The following ELMO1 variants were observed in gnomAD, a reference collection of about 807,000 sequenced individuals.
ELMO1 encodes engulfment and cell motility 1, also known as engulfment and cell motility protein 1.
In ELMO1, 26 loss-of-function variants were observed where a neutral mutation model predicts 98.9. The ratio of observed to expected loss-of-function variants is 0.26; its 90% CI spans 0.19 to 0.36. The LOEUF is 0.36. ELMO1 is among the 10% of genes least tolerant of loss of function. The pLI is 1.00. For synonymous variants in ELMO1, 346 were observed against 346.0 expected (o/e 1.00, Z 0.00); for missense variants, 627 against 935.2 (o/e 0.67, Z 4.30).
intron 5 of ELMO1, among the ~76,000 whole-genome samples, chr7:37,260,946 C>T (rs552335712): frequency 6.6e-6 from 1 of 152,220 alleles, no homozygotes; most frequent in African/African-American, 2.4e-5. Context: ...ACAGCATTCA[C>T]ATGAACATTT....
intron 16 of ELMO1, among the ~76,000 whole-genome samples, chr7:36,987,378 CAG>C (rs771773513): frequency 6.6e-5 from 10 of 152,172 alleles, no homozygotes; most frequent in Middle Eastern, 3.2e-3. Context: ...CAATCTCACT[CAG>C]GGGTCTGCGG....
chr7:36,923,016 G>C (rs1785267281), intron 16 of ELMO1, among the ~76,000 whole-genome samples: 1 of 152,178 alleles, frequency 6.6e-6, no homozygotes, highest in African/African-American at 2.4e-5. Flanking sequence ...TCGTCTGGAA[G>C]GCTGTGTCTA....
intron 6 of ELMO1, among the ~76,000 whole-genome samples, chr7:37,258,514 C>T (rs749431465): frequency 1.9e-4 from 29 of 152,250 alleles, no homozygotes; most frequent in South Asian, 6.2e-4. Flanking sequence ...AGGAATTACA[C>T]GCAATAGAAT....
intron 10 of ELMO1, among the ~76,000 whole-genome samples, chr7:37,219,008 T>C (rs1015370759): frequency 2.0e-5 from 3 of 152,180 alleles, no homozygotes; most frequent in Admixed American, 6.5e-5. Context: ...AACTGAATAA[T>C]GGTAAAAGTT....
chr7:37,191,738 T>C (rs896873637), intron 13 of ELMO1, among the ~76,000 whole-genome samples: 1 of 152,054 alleles, frequency 6.6e-6, no homozygotes, highest in Non-Finnish European at 1.5e-5. Flanking sequence ...GCCAACATGG[T>C]CAAAACCCGT....
chr7:37,102,031 T>A (rs372234510), intron 14 of ELMO1, among the ~76,000 whole-genome samples: 1 of 152,082 alleles, frequency 6.6e-6, no homozygotes, highest in Non-Finnish European at 1.5e-5. Flanking sequence ...AGAAGCCTTA[T>A]CAGTATCAAT....
rs2129297718 is a variant in ELMO1, at chr7:37,131,079, C to A, written c.1191+2051G>T. On this transcript the variant is annotated intron_variant, in intron 14 of 21. Transcript: ENST00000310758. The stretch of plus-strand genomic sequence containing the variant: ...CACTACTGCCATATCATGGAGATAT[C>A]TATTGTCAAAGTCACCCTAAAATTT... Among the ~76,000 whole-genome samples, 2 of 152,174 alleles carry A rather than the reference C, an allele frequency of 1.3e-5. 1 individual carries two copies. The highest frequency in any genetic ancestry group is 4.2e-4 in the South Asian group (2 of 4,806).
chr7:36,866,995 T>C (rs918378632), intron 20 of ELMO1, among the ~76,000 whole-genome samples: 11 of 152,150 alleles, frequency 7.2e-5, no homozygotes, highest in South Asian at 2.1e-4. Flanking sequence ...ACTAGTAACA[T>C]TGCAAGACAA....
intron 1 of ELMO1, among the ~76,000 whole-genome samples, chr7:37,443,424 G>A (rs1159790779): frequency 6.6e-6 from 1 of 152,144 alleles, no homozygotes; most frequent in Non-Finnish European, 1.5e-5. Context: ...ATTTATACAT[G>A]TGACTAATTT....
At chr7:37,403,529 G>A (rs1168539477) in intron 1 of ELMO1, among the ~76,000 whole-genome samples, 2 of 151,760 alleles carry the variant, frequency 1.3e-5, no homozygotes, top group African/African-American at 4.8e-5. Flanking sequence ...ATGACACGGT[G>A]CAACTGTCTT....
chr7:37,291,605 T>C (rs1240140120), intron 4 of ELMO1, among the ~76,000 whole-genome samples: 2 of 152,034 alleles, frequency 1.3e-5, no homozygotes, highest in Non-Finnish European at 2.9e-5. Context: ...GCCTCAGCAG[T>C]TGGAGAAATG....
chr7:37,315,969 T>C lies in ELMO1; in HGVS notation c.79-9A>G, dbSNP rs753722778. ...GCAGACAGTGGTTTTTTCTGCAAAA[T>C]AACAAAAAAGGAAATACTTGTTAGT... On this transcript the variant is annotated splice_polypyrimidine_tract_variant and intron_variant, in intron 2 of 21. Coordinates refer to ENST00000310758, the MANE Select transcript of ELMO1 (RefSeq NM_014800.11). The C allele has an allele frequency of 6.6e-7, 1 of 1,508,030 alleles. No individual in the cohort carries two copies. The highest frequency in any genetic ancestry group is 8.8e-7 in the Non-Finnish European group (1 of 1,139,238). 93.4% of individuals were successfully genotyped at this position (1,508,030 alleles called of 1,614,324 possible).
intron 6 of ELMO1, among the ~76,000 whole-genome samples, chr7:37,257,011 A>T (rs954624346): frequency 6.6e-6 from 1 of 152,194 alleles, no homozygotes; most frequent in Non-Finnish European, 1.5e-5. Context: ...TTGATTCAGC[A>T]ATTTCACATG....
chr7:37,343,100 C>T (rs538686220), intron 1 of ELMO1: 2 of 177,008 alleles, frequency 1.1e-5, no homozygotes, highest in African/African-American at 4.8e-5. Context: ...GAGCCAGGCT[C>T]ACTCTCTGTC....
chr7:36,920,651 A>G (rs147165472), intron 16 of ELMO1, among the ~76,000 whole-genome samples: 4 of 152,344 alleles, frequency 2.6e-5, no homozygotes, highest in South Asian at 4.1e-4. Context: ...CTGGCATAAA[A>G]CATAGCCATA....
chr7:36,958,033 G>A (rs1268836956), intron 16 of ELMO1, among the ~76,000 whole-genome samples: 1 of 152,142 alleles, frequency 6.6e-6, no homozygotes, highest in Non-Finnish European at 1.5e-5. Context: ...GCTCCAATCA[G>A]TTGCAACCTG....
intron 6 of ELMO1, among the ~76,000 whole-genome samples, chr7:37,245,464 G>A (rs1794956430): frequency 6.6e-6 from 1 of 152,154 alleles, no homozygotes; most frequent in Admixed American, 6.5e-5. Context: ...ACCAGGCAAA[G>A]ACTAAATTTA....
At chr7:36,995,498 C>A (rs1460121659) in intron 16 of ELMO1, among the ~76,000 whole-genome samples, 2 of 149,162 alleles carry the variant, frequency 1.3e-5, no homozygotes, top group Non-Finnish European at 3.0e-5. Context: ...CAGAGTGAGA[C>A]TCTGTCTCAA....
chr7:37,111,558 T>A (rs1016319895), intron 14 of ELMO1, among the ~76,000 whole-genome samples: 9 of 152,198 alleles, frequency 5.9e-5, no homozygotes, highest in Non-Finnish European at 1.2e-4. Context: ...CAATGTAAAG[T>A]ATTAAAAAGT....
Sources: gnomAD v4.1 joint callset for allele counts (sites outside exome capture counted in the v4.1 genomes callset) on GRCh38, gnomAD v4.1.1 for gene constraint, MANE v1.5 for transcripts, NCBI Gene and HGNC (gene_info 2026-07-23, HGNC 2026-07-21) for gene names.